Variants in POLR3G observed in about 807,000 individuals in gnomAD.
POLR3G encodes the protein DNA-directed RNA polymerase III subunit RPC7.
A neutral mutation model predicts 30.1 loss-of-function variants in POLR3G; 28 were observed. That is an observed-to-expected ratio of 0.93 (90% CI 0.69 to 1.27). The LOEUF (loss-of-function observed/expected upper bound fraction) is 1.27. POLR3G is among the 50% of genes most tolerant of loss of function. The pLI is 0.00. For missense variants in POLR3G, 254 were observed against 264.6 expected (o/e 0.96, Z 0.28); for synonymous variants, 79 against 82.5 (o/e 0.96, Z 0.23).
In POLR3G at chr5:90,485,611, A is replaced by G. The variant is rs1419531299; in HGVS notation, c.44A>G (p.Asn15Ser). 6.2e-7 allele frequency: 1 copy of G among 1,614,074 alleles called. No homozygotes were observed. Among genetic ancestry groups the G allele is most frequent in the Non-Finnish European group, 8.5e-7 (1 of 1,179,996 alleles). ...KGRGRAAYTF[N>S]IEAVGFSKGE... is the part of the protein sequence containing the mutation. The stretch of plus-strand genomic sequence containing the variant: ...AGAGGACGTGCTGCTTATACCTTTA[A>G]TATTGAGGCTGTTGGATTTAGCAAA... Residue 15 changes from asparagine (N) to serine (S), a missense_variant, in exon 2 of 8, where the codon AAT becomes AGT. Asn to Ser is a conservative substitution (Grantham distance 46). Transcript: ENST00000651687.
chr5:90,493,500 G>A (rs1751833740), intron 3 of POLR3G, among the ~76,000 whole-genome samples: 1 of 151,700 alleles, frequency 6.6e-6, no homozygotes, highest in African/African-American at 2.4e-5. Flanking sequence ...CAGCTGCCTT[G>A]GCCTCCCAAA....
At chr5:90,485,804 G>T in intron 2 of POLR3G, 120 bp downstream of exon 2, 1 of 663,584 alleles carries the variant, frequency 1.5e-6, no homozygotes, top group African/African-American at 1.8e-5. Flanking sequence ...AAGTAAAGGA[G>T]AGTGTGTTTC....
chr5:90,514,304 G>T lies in POLR3G; in HGVS notation c.*2165G>T, dbSNP rs900848059. 1.3e-5 allele frequency: 2 copies of T among 152,148 alleles called. No homozygotes were observed. Among genetic ancestry groups the T allele is most frequent in the African/African-American group, 4.8e-5 (2 of 41,442 alleles). 9.4% of individuals were successfully genotyped at this position (152,148 alleles called of 1,614,324 possible). ...CTCTTACATAAAAGTATTTGTTGAA[G>T]TGTCTTTAAAATTGCTATCATGAGC... On this transcript the variant is annotated 3_prime_UTR_variant, in exon 8 of 8. Coordinates refer to ENST00000651687, the MANE Select transcript of POLR3G (RefSeq NM_006467.3).
intron 3 of POLR3G, 132 bp from the exon 4 acceptor site, chr5:90,495,545 A>C: frequency 7.0e-7 from 1 of 1,423,914 alleles, no homozygotes; most frequent in South Asian, 1.4e-5. Context: ...TCTCTTATGT[A>C]CAAAGGTGGG....
intron 4 of POLR3G, among the ~76,000 whole-genome samples, chr5:90,497,037 A>G (rs1363266207): frequency 2.0e-5 from 3 of 152,224 alleles, no homozygotes; most frequent in Non-Finnish European, 4.4e-5. Context: ...ATATTTTTAA[A>G]TCAACTTTTA....
intron 1 of POLR3G, among the ~76,000 whole-genome samples, chr5:90,477,262 G>A (rs539112454): frequency 2.9e-4 from 44 of 152,332 alleles, no homozygotes; most frequent in South Asian, 6.2e-4. Context: ...GGCACTCCAG[G>A]CATGCAATGG....
intron 5 of POLR3G, among the ~76,000 whole-genome samples, chr5:90,498,642 A>AT (rs1752104249): frequency 6.6e-6 from 1 of 152,224 alleles, no homozygotes; most frequent in African/African-American, 2.4e-5. Context: ...ATAACTGCAG[A>AT]TTTTTTATTA....
At chr5:90,496,832 C>T (rs186278281) in intron 4 of POLR3G, among the ~76,000 whole-genome samples, 6 of 152,286 alleles carry the variant, frequency 3.9e-5, no homozygotes, top group African/African-American at 9.6e-5. Flanking sequence ...ACCCTGGAAA[C>T]AACTTAGGTC....
rs1483514873 is a variant in POLR3G at position 90,501,318 on chromosome 5, C to T, written c.356-588C>T. On this transcript the variant is annotated intron_variant, in intron 5 of 7. Transcript: ENST00000651687. Reference sequence around the variant, plus strand: ...TTGAATGCAGAATTTTGAGATATGGCAGTTTATCTTCTGTCTTTTATACCA... The same window carrying T: ...TTGAATGCAGAATTTTGAGATATGGTAGTTTATCTTCTGTCTTTTATACCA... Among the ~76,000 whole-genome samples the T allele has an allele frequency of 2.0e-5, 3 of 151,802 alleles. No individual in the cohort carries two copies. In the East Asian group the frequency reaches 5.8e-4, roughly 29 times the overall value.
At chr5:90,496,527 A>G (rs776289039) in intron 4 of POLR3G, among the ~76,000 whole-genome samples, 1 of 152,234 alleles carries the variant, frequency 6.6e-6, no homozygotes, top group Non-Finnish European at 1.5e-5. Context: ...AACCATATCC[A>G]AAAAGAAGCT....
At chr5:90,493,529 G>A (rs1751835804) in intron 3 of POLR3G, among the ~76,000 whole-genome samples, 2 of 151,868 alleles carry the variant, frequency 1.3e-5, no homozygotes, top group African/African-American at 4.8e-5. Context: ...ATTACATCCT[G>A]AGCCACTGTG....
At chr5:90,509,321 A>G (rs192408706) in intron 7 of POLR3G, among the ~76,000 whole-genome samples, 38 of 152,142 alleles carry the variant, frequency 2.5e-4, no homozygotes, top group African/African-American at 8.9e-4. Flanking sequence ...CCCTCCCCAT[A>G]GTTACCCTGT....
chr5:90,505,739 G>T (rs927348613), intron 6 of POLR3G, among the ~76,000 whole-genome samples: 16 of 152,154 alleles, frequency 1.1e-4, no homozygotes, highest in Non-Finnish European at 1.3e-4. Flanking sequence ...TAAAGACACA[G>T]ATAAAATGCA....
At chr5:90,474,112 C>A (rs1488746577), upstream of POLR3G, 44 of 1,579,278 alleles carry the variant, frequency 2.8e-5, no homozygotes, top group Non-Finnish European at 3.7e-5. Flanking sequence ...TGCAAGAGGC[C>A]GGAGGAGTAC....
chr5:90,498,137 C>G (rs1366415758), intron 5 of POLR3G, among the ~76,000 whole-genome samples: 1 of 152,030 alleles, frequency 6.6e-6, no homozygotes. Flanking sequence ...CTCTCTCCCT[C>G]TCTCTGTCCC....
chr5:90,498,169 G>GTA (rs1028438587), intron 5 of POLR3G, among the ~76,000 whole-genome samples: 7 of 151,822 alleles, frequency 4.6e-5, no homozygotes, highest in African/African-American at 7.3e-5. Flanking sequence ...GTGTGTGTGT[G>GTA]TATATATATG....
chr5:90,509,780 G>A (rs1210800370), intron 7 of POLR3G, among the ~76,000 whole-genome samples: 1 of 152,176 alleles, frequency 6.6e-6, no homozygotes, highest in African/African-American at 2.4e-5. Context: ...AAGTGGGCTT[G>A]TGTTGAGAGA....
In POLR3G at chr5:90,501,021, A is replaced by G. The variant is rs192575281; in HGVS notation, c.356-885A>G. Among the ~76,000 whole-genome samples, 307 of 152,186 alleles carry G rather than the reference A, an allele frequency of 2.0e-3. 1 individual carries two copies. Among genetic ancestry groups the G allele is most frequent in the African/African-American group, 7.0e-3 (290 of 41,554 alleles). ...ATAGCCTCAAAATGCAATATTTTTG[A>G]TAGGAGTAAAAAAAATAATTATGTA... On this transcript the variant is annotated intron_variant, in intron 5 of 7. Transcript: ENST00000651687.
At chr5:90,508,272 ACT>A (rs1395511427) in intron 7 of POLR3G, among the ~76,000 whole-genome samples, 11 of 151,278 alleles carry the variant, frequency 7.3e-5, no homozygotes, top group Non-Finnish European at 1.0e-4. Flanking sequence ...TCAAGAGGAA[ACT>A]CTATTAAATT....
Sources: gnomAD v4.1 joint callset for allele counts (sites outside exome capture counted in the v4.1 genomes callset) on GRCh38, gnomAD v4.1.1 for gene constraint, MANE v1.5 for transcripts, NCBI Gene and HGNC (gene_info 2026-07-23, HGNC 2026-07-21) for gene names.